Variants in BACH2 observed in about 807,000 individuals in gnomAD.
The protein encoded by BACH2 is BACH transcriptional regulator 2.
BACH2 carries 5 observed loss-of-function variants against 61.8 expected under a neutral mutation model. The observed-to-expected ratio is 0.08, with a 90% CI of 0.04 to 0.17. The LOEUF (loss-of-function observed/expected upper bound fraction) is 0.17. Among genes scored for constraint, BACH2 ranks in the 10% least tolerant of loss-of-function variants. The pLI, the probability that BACH2 is intolerant of heterozygous loss-of-function variation, is 1.00. For synonymous variants in BACH2, 446 were observed against 440.1 expected, an observed-to-expected ratio of 1.01 and a Z score of -0.17; for missense variants, 824 against 1,091.1, an observed-to-expected ratio of 0.76 and a Z score of 3.45.
At chr6:90,267,072 A>C (rs1771359150) in intron 2 of BACH2, among the ~76,000 whole-genome samples, 1 of 152,132 alleles carries the variant, frequency 6.6e-6, no homozygotes, top group African/African-American at 2.4e-5. Flanking sequence ...GAAGAAAAAA[A>C]ACATGTTAGA....
intron 3 of BACH2, among the ~76,000 whole-genome samples, chr6:90,240,961 A>G (rs1394897263): frequency 6.6e-6 from 1 of 151,900 alleles, no homozygotes; most frequent in East Asian, 1.9e-4. Flanking sequence ...AGAAATTAAG[A>G]GTTGACTAAA....
intron 4 of BACH2, among the ~76,000 whole-genome samples, chr6:90,167,722 A>G (rs905740770): frequency 6.6e-6 from 1 of 152,202 alleles, no homozygotes; most frequent in African/African-American, 2.4e-5. Flanking sequence ...GCGCTCCTGG[A>G]AAGTACACAT....
Position 90,257,925 on chromosome 6 carries a change from G to A in BACH2, c.-352-5335C>T, listed in dbSNP as rs113508573. On this transcript the variant is annotated intron_variant, in intron 2 of 8. Transcript: ENST00000257749. ...CAAGTAGCTGGAATTACAGGTGTGC[G>A]CCACCACACCCAGCTAATTTTTGTA... Among the ~76,000 whole-genome samples the A allele has an allele frequency of 6.6e-3, 1,004 of 152,144 alleles. 11 individuals are homozygous for A. The highest frequency in any genetic ancestry group is 0.023 in the African/African-American group (953 of 41,528).
intron 3 of BACH2, among the ~76,000 whole-genome samples, chr6:90,241,376 C>T (rs1190728422): frequency 1.3e-5 from 2 of 152,094 alleles, no homozygotes; most frequent in East Asian, 1.9e-4. Context: ...GCTCCCCCTC[C>T]CACCTACTCA....
chr6:90,095,360 A>G (rs1360981750), intron 4 of BACH2, among the ~76,000 whole-genome samples: 1 of 152,160 alleles, frequency 6.6e-6, no homozygotes, highest in Non-Finnish European at 1.5e-5. Flanking sequence ...GTGATGAAAG[A>G]AAGTGGGCTT....
intron 5 of BACH2, among the ~76,000 whole-genome samples, chr6:90,045,145 G>A (rs976122849): frequency 1.3e-5 from 2 of 152,144 alleles, no homozygotes; most frequent in African/African-American, 2.4e-5. Context: ...TAAACACAGG[G>A]ATGAAAGGGC....
chr6:90,158,819 A>C (rs992366706), intron 4 of BACH2, among the ~76,000 whole-genome samples: 2 of 151,766 alleles, frequency 1.3e-5, no homozygotes, highest in Non-Finnish European at 2.9e-5. Flanking sequence ...TATTCAAGGG[A>C]AAGTGCCACA....
intron 5 of BACH2, among the ~76,000 whole-genome samples, chr6:90,085,692 A>G (rs1175570366): frequency 6.6e-6 from 1 of 152,176 alleles, no homozygotes; most frequent in Non-Finnish European, 1.5e-5. Context: ...AAAGGGTAAC[A>G]GGAATGAGGG....
intron 4 of BACH2, among the ~76,000 whole-genome samples, chr6:90,161,631 A>T (rs1785195562): frequency 6.6e-6 from 1 of 152,360 alleles, no homozygotes; most frequent in East Asian, 1.9e-4. Flanking sequence ...TCTCACTTAA[A>T]AACCAATCAA....
intron 4 of BACH2, among the ~76,000 whole-genome samples, chr6:90,145,842 A>G (rs1348018189): frequency 6.6e-6 from 1 of 152,220 alleles, no homozygotes; most frequent in African/African-American, 2.4e-5. Flanking sequence ...GGGTTTAAGT[A>G]AGAGAAGACA....
chr6:90,280,484 T>C (rs1362733843), intron 1 of BACH2, among the ~76,000 whole-genome samples: 1 of 152,220 alleles, frequency 6.6e-6, no homozygotes, highest in Non-Finnish European at 1.5e-5. Context: ...AAATTGATAA[T>C]GTCACCATAT....
chr6:89,970,342 G>A (rs796154572), intron 6 of BACH2, among the ~76,000 whole-genome samples: 10 of 152,300 alleles, frequency 6.6e-5, no homozygotes, highest in African/African-American at 1.9e-4. Flanking sequence ...GACTCTTGGC[G>A]GGCAGAGCAT....
intron 6 of BACH2, among the ~76,000 whole-genome samples, chr6:90,007,141 C>T (rs985487523): frequency 6.6e-6 from 1 of 152,062 alleles, no homozygotes; most frequent in Non-Finnish European, 1.5e-5. Context: ...ATGGCGTGAT[C>T]TCAGCTCACT....
At chr6:90,193,305 A>G (rs114339363) in intron 4 of BACH2, among the ~76,000 whole-genome samples, 263 of 152,308 alleles carry the variant, frequency 1.7e-3, no homozygotes, top group African/African-American at 5.3e-3. Context: ...ACTGGAAGAG[A>G]GTGTGCCCCT....
At chr6:90,107,838 T>G (rs191138779) in intron 4 of BACH2, among the ~76,000 whole-genome samples, 111 of 152,290 alleles carry the variant, frequency 7.3e-4, no homozygotes, top group African/African-American at 2.5e-3. Flanking sequence ...TCAAGGGAAT[T>G]TCTTTTTATC....
intron 4 of BACH2, among the ~76,000 whole-genome samples, chr6:90,167,570 C>T (rs1326778927): frequency 6.6e-6 from 1 of 152,126 alleles, no homozygotes; most frequent in East Asian, 1.9e-4. Flanking sequence ...GTTGTCCAGG[C>T]TGGTCTCAAA....
At chr6:90,004,942 C>T (rs905912359) in intron 6 of BACH2, among the ~76,000 whole-genome samples, 2 of 152,154 alleles carry the variant, frequency 1.3e-5, no homozygotes, top group African/African-American at 4.8e-5. Flanking sequence ...GGAACAAACA[C>T]TCAAGTCCTA....
chr6:90,083,643 C>T (rs1014290160), intron 5 of BACH2, among the ~76,000 whole-genome samples: 3 of 152,104 alleles, frequency 2.0e-5, no homozygotes, highest in East Asian at 1.9e-4. Context: ...AATATCACAA[C>T]TTTTAGAGTG....
At chr6:90,245,952 G>A (rs577571082) in intron 3 of BACH2, among the ~76,000 whole-genome samples, 9 of 152,318 alleles carry the variant, frequency 5.9e-5, no homozygotes, top group East Asian at 1.9e-4. Flanking sequence ...AGTGCCAGAG[G>A]AATGCAGCAC....
Sources: gnomAD v4.1 joint callset for allele counts (sites outside exome capture counted in the v4.1 genomes callset) on GRCh38, gnomAD v4.1.1 for gene constraint, MANE v1.5 for transcripts, NCBI Gene and HGNC (gene_info 2026-07-23, HGNC 2026-07-21) for gene names.